The following AGPS variants were observed in gnomAD, a reference collection of about 807,000 sequenced individuals.
AGPS encodes the protein alkyldihydroxyacetonephosphate synthase, peroxisomal.
Under a neutral mutation model 90.7 loss-of-function variants are expected in AGPS, and 26 were observed. The observed-to-expected ratio is 0.29, with a 90% CI of 0.21 to 0.40. AGPS has a LOEUF of 0.40. Among genes scored for constraint, AGPS ranks in the 10% least tolerant of loss-of-function variants. AGPS has a pLI of 1.00. For missense variants in AGPS, 540 were observed against 816.1 expected, an observed-to-expected ratio of 0.66 and a Z score of 4.12; for synonymous variants, 294 against 285.3, an observed-to-expected ratio of 1.03 and a Z score of -0.31.
At chr2:177,413,801 G>T (rs1685707289) in intron 1 of AGPS, among the ~76,000 whole-genome samples, 1 of 152,106 alleles carries the variant, frequency 6.6e-6, no homozygotes, top group Non-Finnish European at 1.5e-5. Flanking sequence ...GGATATGTGG[G>T]TACACACCTG....
chr2:177,473,969 A>G (rs1236622354), intron 10 of AGPS, among the ~76,000 whole-genome samples: 1 of 152,238 alleles, frequency 6.6e-6, no homozygotes, highest in African/African-American at 2.4e-5. Flanking sequence ...CCTGCAGTAT[A>G]TATATGAAGC....
intron 1 of AGPS, chr2:177,393,565 G>A (rs998987940): frequency 3.0e-6 from 3 of 985,320 alleles, no homozygotes; most frequent in South Asian, 9.4e-5. Flanking sequence ...GGATCAAGAT[G>A]TATTGACTTT....
intron 7 of AGPS, among the ~76,000 whole-genome samples, chr2:177,443,814 A>G (rs1686685074): frequency 1.3e-5 from 2 of 152,310 alleles, no homozygotes; most frequent in Non-Finnish European, 2.9e-5. Flanking sequence ...GTTTGGTAGT[A>G]TATATGGGAT....
intron 1 of AGPS, among the ~76,000 whole-genome samples, chr2:177,408,558 G>A (rs1685527290): frequency 6.6e-6 from 1 of 152,054 alleles, no homozygotes; most frequent in Non-Finnish European, 1.5e-5. Context: ...CCTCTGTCAT[G>A]TAATCATATT....
chr2:177,514,698 A>G (rs1688974953), intron 17 of AGPS, among the ~76,000 whole-genome samples: 1 of 151,930 alleles, frequency 6.6e-6, no homozygotes, highest in African/African-American at 2.4e-5. Flanking sequence ...GTACTTTCCT[A>G]GTACTAGTGT....
At chr2:177,504,401 G>A (rs186883755) in intron 14 of AGPS, among the ~76,000 whole-genome samples, 1 of 152,158 alleles carries the variant, frequency 6.6e-6, no homozygotes. Context: ...CTTGACCAAA[G>A]TTTTATCTTC....
chr2:177,529,928 A>G (rs1020510898), intron 19 of AGPS, among the ~76,000 whole-genome samples: 1 of 152,252 alleles, frequency 6.6e-6, no homozygotes. Context: ...CCTGTCTCAT[A>G]TGTTTATTGC....
At chr2:177,408,011 G>A (rs1055871386) in intron 1 of AGPS, among the ~76,000 whole-genome samples, 1 of 152,046 alleles carries the variant, frequency 6.6e-6, no homozygotes, top group Non-Finnish European at 1.5e-5. Flanking sequence ...TGAACACCTG[G>A]CCTCAGGTGG....
chr2:177,420,241 T>C (rs1436399851), intron 1 of AGPS, 28 bp from the exon 2 acceptor site: 1 of 1,399,072 alleles, frequency 7.1e-7, no homozygotes, highest in Non-Finnish European at 1.0e-6. Context: ...AGCATTGGTC[T>C]CACTTATATA....
chr2:177,535,128 G>A (rs896435063), intron 19 of AGPS, among the ~76,000 whole-genome samples: 1 of 152,092 alleles, frequency 6.6e-6, no homozygotes, highest in Admixed American at 6.6e-5. Context: ...AATATGTTGG[G>A]TCAGTAGCTA....
At chr2:177,532,240 A>G (rs749856487) in intron 19 of AGPS, among the ~76,000 whole-genome samples, 2 of 152,212 alleles carry the variant, frequency 1.3e-5, no homozygotes, top group African/African-American at 2.4e-5. Flanking sequence ...CATATCTATT[A>G]TATATAAATC....
chr2:177,412,255 C>G (rs374230955), intron 1 of AGPS, among the ~76,000 whole-genome samples: 112 of 152,170 alleles, frequency 7.4e-4, no homozygotes, highest in African/African-American at 2.6e-3. Flanking sequence ...GGTCAGGACC[C>G]AGGAGGTATG....
Position 177,393,059 on chromosome 2 carries a change from G to C in AGPS, c.260+10G>C, listed in dbSNP as rs761606701. ...CCATCCCAAAGAAGCGGTGAGTAGCGGTATGTGGAAGGAGTTAGCGTCGAG... is the reference window on the plus strand; with the variant it reads ...CCATCCCAAAGAAGCGGTGAGTAGCCGTATGTGGAAGGAGTTAGCGTCGAG... On this transcript the variant is annotated intron_variant, in intron 1 of 19. Coordinates refer to ENST00000264167, the MANE Select transcript of AGPS (RefSeq NM_003659.4). The C allele has an allele frequency of 5.2e-6, 8 of 1,550,240 alleles. No individual in the cohort carries two copies. The highest frequency in any genetic ancestry group is 6.1e-6 in the Non-Finnish European group (7 of 1,146,796).
intron 14 of AGPS, 73 bp downstream of exon 14, chr2:177,499,803 A>G: frequency 1.0e-6 from 1 of 984,860 alleles, no homozygotes. Context: ...AGCAATTATT[A>G]AAGTACTAGG....
chr2:177,415,233 C>G (rs887609671), intron 1 of AGPS, among the ~76,000 whole-genome samples: 1 of 152,180 alleles, frequency 6.6e-6, no homozygotes, highest in African/African-American at 2.4e-5. Context: ...GCTACTCTTA[C>G]AAACAATGCT....
At chr2:177,481,075 A>G (rs1687930038) in intron 10 of AGPS, among the ~76,000 whole-genome samples, 1 of 152,112 alleles carries the variant, frequency 6.6e-6, no homozygotes. Flanking sequence ...TTATATATTG[A>G]CAAGTTGTTT....
chr2:177,412,387 C>T (rs1685646485), intron 1 of AGPS, among the ~76,000 whole-genome samples: 1 of 152,036 alleles, frequency 6.6e-6, no homozygotes, highest in African/African-American at 2.4e-5. Flanking sequence ...CTCTAGTTGG[C>T]CCTTGGCTTC....
chr2:177,437,953 A>G (rs1054480647), intron 5 of AGPS, among the ~76,000 whole-genome samples: 3 of 152,202 alleles, frequency 2.0e-5, no homozygotes, highest in Admixed American at 1.3e-4. Flanking sequence ...TAGTCTATGC[A>G]TTTGGAATAT....
Position 177,523,800 on chromosome 2 carries a change from A to G in AGPS, c.1850A>G (p.His617Arg). The G allele has an allele frequency of 6.2e-7, 1 of 1,613,152 alleles. No homozygotes were observed. The highest frequency in any genetic ancestry group is 8.5e-7 in the Non-Finnish European group (1 of 1,179,136). ...AATGGAGGGAGCCTGTCACATCACC[A>G]TGGAGGTATTCTTTTTTGGGAGTAG... Reference protein sequence around the residue: ...LANGGSLSHHHGVGKLRKQWL... With the variant: ...LANGGSLSHHRGVGKLRKQWL... The change falls in exon 19 of 20, where the codon CAT (histidine) becomes CGT (arginine). Residue 617 changes from histidine (H) to arginine (R), a missense_variant. This residue lies in a region of AGPS where 405 missense variants were observed against 692.1 expected (regional missense o/e 0.59). Coordinates refer to ENST00000264167, the MANE Select transcript of AGPS (RefSeq NM_003659.4).
Sources: allele counts gnomAD v4.1 joint callset (sites outside exome capture counted in the v4.1 genomes callset), GRCh38; gene constraint gnomAD v4.1.1; regional missense constraint gnomAD v4.1.1; transcripts MANE v1.5; gene names NCBI Gene and HGNC (gene_info 2026-07-23, HGNC 2026-07-21).